Variants in KDM3A observed in about 807,000 individuals in gnomAD.
The protein encoded by KDM3A is lysine demethylase 3A, also known as lysine-specific demethylase 3A.
KDM3A carries 60 observed loss-of-function variants against 158.0 expected under a neutral mutation model. That is an observed-to-expected ratio of 0.38 (90% confidence interval 0.31 to 0.47). KDM3A has a LOEUF of 0.47. Among genes scored for constraint, KDM3A ranks in the 20% least tolerant of loss-of-function variants. The pLI is 0.99. For synonymous variants in KDM3A, 608 were observed against 549.3 expected, an observed-to-expected ratio of 1.11 and a Z score of -1.49; for missense variants, 1,319 against 1,574.3, an observed-to-expected ratio of 0.84 and a Z score of 2.74.
intron 2 of KDM3A, among the ~76,000 whole-genome samples, chr2:86,447,799 T>C (rs1683016857): frequency 6.6e-6 from 1 of 152,238 alleles, no homozygotes; most frequent in African/African-American, 2.4e-5. Flanking sequence ...TCAGTGTAGC[T>C]GGGAATTCAA....
At chr2:86,459,811 A>G (rs554180086) in intron 8 of KDM3A, among the ~76,000 whole-genome samples, 3 of 152,268 alleles carry the variant, frequency 2.0e-5, no homozygotes, top group South Asian at 2.1e-4. Flanking sequence ...TATGTGTGCT[A>G]TTGAGCTGAT....
At position 86,485,725 on chromosome 2, in the gene KDM3A, C is replaced by A. The variant is rs988033124; in HGVS notation, c.3183-4C>A. 6.2e-6 allele frequency: 10 copies of A among 1,613,122 alleles called. No homozygotes were observed. In the African/African-American group the frequency reaches 1.1e-4, roughly 17 times the overall value. ...TTTGCAAATTCCTGGTTCTGTTGTT[C>A]TAGGTTTGATGATCTGATGGCCAAC... is the stretch of plus-strand genomic sequence containing the variant. On this transcript the variant is annotated splice_polypyrimidine_tract_variant and splice_region_variant and intron_variant, in intron 20 of 25. Coordinates refer to ENST00000312912, the MANE Select transcript of KDM3A (RefSeq NM_018433.6).
chr2:86,447,697 T>G (rs1027948857), intron 2 of KDM3A, among the ~76,000 whole-genome samples: 6 of 152,192 alleles, frequency 3.9e-5, no homozygotes, highest in Non-Finnish European at 8.8e-5. Flanking sequence ...ATTTTCTAAG[T>G]GAGGGTTCTT....
intron 12 of KDM3A, 82 bp downstream of exon 12, chr2:86,475,072 GGGTTTTTT>G: frequency 8.8e-7 from 1 of 1,134,950 alleles, no homozygotes; most frequent in East Asian, 2.4e-5. Flanking sequence ...CTAATTGCTT[GGGTTTTTT>G]TTCACCCAGA....
chr2:86,452,195 C>CT (rs35158232), intron 4 of KDM3A, among the ~76,000 whole-genome samples: 74,551 of 138,542 alleles, frequency 0.54, 21,061 homozygotes, highest in East Asian at 0.83. Context: ...CATTTTTGTG[C>CT]TTTTTTTTTT....
intron 8 of KDM3A, among the ~76,000 whole-genome samples, chr2:86,462,847 C>G (rs1672982121): frequency 6.6e-6 from 1 of 152,116 alleles, no homozygotes; most frequent in African/African-American, 2.4e-5. Context: ...AATCCCAGCA[C>G]TTTAGGAGGC....
chr2:86,437,971 TTCTTG>T (rs1203274239), upstream of KDM3A, among the ~76,000 whole-genome samples: 1 of 152,290 alleles, frequency 6.6e-6, no homozygotes, highest in African/African-American at 2.4e-5. Flanking sequence ...TGTATTATTT[TTCTTG>T]TCTTATTACA....
chr2:86,450,604 A>C (rs575640433), intron 3 of KDM3A, among the ~76,000 whole-genome samples: 60 of 152,272 alleles, frequency 3.9e-4, no homozygotes, highest in African/African-American at 1.4e-3. Flanking sequence ...CTGGTGCTTC[A>C]AGGAGGGAAG....
At chr2:86,442,402 C>G (rs990072876) in intron 2 of KDM3A, 169 bp downstream of exon 2, 2 of 651,148 alleles carry the variant, frequency 3.1e-6, no homozygotes, top group Non-Finnish European at 5.1e-6. Flanking sequence ...TGTATAGAGC[C>G]GAGTTGTGTT....
intron 2 of KDM3A, among the ~76,000 whole-genome samples, chr2:86,442,975 A>T (rs1682799631): frequency 6.6e-6 from 1 of 152,120 alleles, no homozygotes; most frequent in South Asian, 2.1e-4. Context: ...GACACTCAGA[A>T]CCTTTTTCTG....
intron 25 of KDM3A, 125 bp downstream of exon 25, chr2:86,491,400 A>ACT: frequency 1.1e-6 from 1 of 922,282 alleles, no homozygotes; most frequent in Non-Finnish European, 1.7e-6. Context: ...GAGTCGAGGA[A>ACT]CTTGCTTTAT....
chr2:86,461,828 A>AG, intron 8 of KDM3A, among the ~76,000 whole-genome samples: 1 of 152,308 alleles, frequency 6.6e-6, no homozygotes, highest in Admixed American at 6.5e-5. Flanking sequence ...GAAAGGGCTT[A>AG]GAACACTAGG....
chr2:86,447,257 C>G (rs1422447810), intron 2 of KDM3A, among the ~76,000 whole-genome samples: 1 of 149,414 alleles, frequency 6.7e-6, no homozygotes. Context: ...ATTTGAAAGT[C>G]ATAAACTTAA....
In KDM3A at chr2:86,441,737, C is replaced by G. The variant is rs546219576; in HGVS notation, c.-30-281C>G. ...GGGGCTGAGCACTTTCAAATCCACT[C>G]GAGCCGCAGATAATTTTTCCCTCAC... On this transcript the variant is annotated intron_variant, in intron 1 of 25. Transcript: ENST00000312912. 1.6e-3 allele frequency among the ~76,000 whole-genome samples: 237 copies of G among 151,112 alleles called. 2 individuals are homozygous for G. Among genetic ancestry groups the G allele is most frequent in the Middle Eastern group, 6.8e-3 (2 of 292 alleles).
At chr2:86,453,456 C>T (rs866332912) in intron 4 of KDM3A, among the ~76,000 whole-genome samples, 11 of 151,948 alleles carry the variant, frequency 7.2e-5, no homozygotes, top group East Asian at 3.9e-4. Context: ...AGTTAGGGTC[C>T]GTCTTTAGAT....
At chr2:86,485,902 T>A (rs780898244) in intron 21 of KDM3A, 43 bp downstream of exon 21, 2 of 1,586,412 alleles carry the variant, frequency 1.3e-6, no homozygotes, top group Non-Finnish European at 1.7e-6. Context: ...ATAAAACAAT[T>A]CAAAATGTTT....
At position 86,491,181 on chromosome 2, in the gene KDM3A, T is replaced by G; in HGVS notation, c.3791T>G (p.Phe1264Cys). The change falls in exon 25 of 26, where the codon TTT becomes TGT. Residue 1264 changes from phenylalanine to cysteine, a missense_variant. Phe to Cys is a radical substitution (Grantham distance 205). Around this residue, in one of 4 missense-constraint regions of KDM3A, gnomAD observed 186 missense variants for 340.9 expected, o/e 0.55. Coordinates refer to ENST00000312912, the MANE Select transcript of KDM3A (RefSeq NM_018433.6). ...AGCTGCATCAAAGTGGCTGAAGATT[T>G]TGTTTCTCCAGAGCATGTTAAACAC... ...LYSCIKVAED[F>C]VSPEHVKHCF... The G allele has an allele frequency of 6.2e-7, 1 of 1,614,036 alleles. No individual in the cohort carries two copies. Among genetic ancestry groups the G allele is most frequent in the Non-Finnish European group, 8.5e-7 (1 of 1,179,914 alleles).
chr2:86,482,018 T>C lies in KDM3A; in HGVS notation c.2601T>C (p.His867=), dbSNP rs144469383. Residue 867 remains histidine (H), a synonymous_variant, in exon 17 of 26, where the codon CAT becomes CAC. Transcript: ENST00000312912. ...TAAGCAAATCCAGCACAGTCCTCCA[T>C]ACGTTTAACAGCACAATTTTGACAC... is the stretch of plus-strand genomic sequence containing the variant. ...PPLSKSSTVL[H]TFNSTILTPV... 345 of 1,614,116 alleles carry C rather than the reference T, an allele frequency of 2.1e-4. 5 individuals carry two copies. The South Asian group carries it at 3.5e-3, about 16-fold the overall frequency.
intron 8 of KDM3A, among the ~76,000 whole-genome samples, chr2:86,458,842 G>A (rs1193721228): frequency 7.2e-5 from 11 of 152,146 alleles, no homozygotes; most frequent in African/African-American, 2.7e-4. Flanking sequence ...TTTAAGTTCA[G>A]GAGATTGACT....
Sources: allele counts gnomAD v4.1 joint callset (sites outside exome capture counted in the v4.1 genomes callset), GRCh38; gene constraint gnomAD v4.1.1; regional missense constraint gnomAD v4.1.1; transcripts MANE v1.5; gene names NCBI Gene and HGNC (gene_info 2026-07-23, HGNC 2026-07-21).